Variants in ALG6 observed in about 807,000 individuals in gnomAD.
The protein encoded by ALG6 is ALG6 alpha-1,3-glucosyltransferase.
Under a neutral mutation model 66.6 loss-of-function variants are expected in ALG6, and 46 were observed. The observed-to-expected ratio is 0.69, with a 90% CI of 0.55 to 0.88. The LOEUF (loss-of-function observed/expected upper bound fraction) is 0.88, where lower values mean the gene tolerates loss of function less well. Among genes scored for constraint, ALG6 ranks in the 40% least tolerant of loss-of-function variants. The probability of loss-of-function intolerance (pLI) is 0.00; values close to 1 mark genes in which losing one functional copy is unlikely to be tolerated. For missense variants in ALG6, 505 were observed against 586.8 expected (o/e 0.86, Z 1.44); for synonymous variants, 185 against 203.7 (o/e 0.91, Z 0.78).
At chr1:63,375,410 ATTTTTTTTTTTTTTTTTT>A (rs766565038) in intron 2 of ALG6, among the ~76,000 whole-genome samples, 2 of 77,068 alleles carry the variant, frequency 2.6e-5, no homozygotes, top group Non-Finnish European at 5.2e-5. Context: ...CACCCCCGGC[ATTTTTTTTTTTTTTTTTT>A]TTTTTTTTTC....
intron 8 of ALG6, 74 bp from the exon 9 acceptor site, chr1:63,411,852 A>C: frequency 6.3e-7 from 1 of 1,584,746 alleles, no homozygotes; most frequent in East Asian, 2.2e-5. Context: ...TATTATGTTC[A>C]GTGAGACTCA....
At chr1:63,380,684 A>G (rs956447068) in intron 2 of ALG6, among the ~76,000 whole-genome samples, 1 of 152,230 alleles carries the variant, frequency 6.6e-6, no homozygotes, top group African/African-American at 2.4e-5. Context: ...TTGCTGGTAT[A>G]TATAATCAAA....
chr1:63,430,318 TCTA>T (rs1644639198), intron 14 of ALG6, among the ~76,000 whole-genome samples: 1 of 152,268 alleles, frequency 6.6e-6, no homozygotes, highest in Non-Finnish European at 1.5e-5. Flanking sequence ...TGAAGTTGTT[TCTA>T]CTTTTTTAGT....
chr1:63,372,367 A>C (rs915185580), intron 2 of ALG6, among the ~76,000 whole-genome samples: 3 of 152,138 alleles, frequency 2.0e-5, no homozygotes, highest in Non-Finnish European at 4.4e-5. Context: ...ACACAGACAC[A>C]TATATATACA....
At chr1:63,377,379 G>C (rs1264477217) in intron 2 of ALG6, among the ~76,000 whole-genome samples, 3 of 152,048 alleles carry the variant, frequency 2.0e-5, no homozygotes, top group Non-Finnish European at 4.4e-5. Context: ...ATTTTTGCTT[G>C]TTATATCTTT....
chr1:63,435,617 A>G (rs1644673956), intron 14 of ALG6, among the ~76,000 whole-genome samples: 2 of 152,282 alleles, frequency 1.3e-5, no homozygotes, highest in South Asian at 4.1e-4. Flanking sequence ...ATACCTGTGT[A>G]CTGTGCTAGG....
chr1:63,399,962 C>G (rs1028435617), intron 3 of ALG6, among the ~76,000 whole-genome samples: 4 of 151,012 alleles, frequency 2.6e-5, no homozygotes, highest in African/African-American at 9.8e-5. Flanking sequence ...TTTGGGAGAC[C>G]AAGGCGGGCA....
At chr1:63,414,881 G>A (rs76694292) in intron 10 of ALG6, among the ~76,000 whole-genome samples, 2,413 of 152,254 alleles carry the variant, frequency 0.016, 23 homozygotes, top group Non-Finnish European at 0.027. Flanking sequence ...AATATCTAGG[G>A]GGGAAGGAAG....
rs1217477050 is a variant in ALG6 at position 63,413,904 on chromosome 1, A to G, written c.817-157A>G. 5 of 594,262 alleles carry G rather than the reference A, an allele frequency of 8.4e-6. No individual in the cohort carries two copies. In the Admixed American group the frequency reaches 1.1e-4, roughly 13 times the overall value. The allele number at this position is 594,262 out of a possible 1,614,324, so 36.8% of individuals were successfully genotyped here. A position where few individuals can be genotyped will look rare whatever the true frequency, so the allele number is the denominator to read the frequency against. On this transcript the variant is annotated intron_variant, in intron 9 of 14. Transcript: ENST00000263440. Reference sequence around the variant, plus strand: ...AAAATGCTTGAGACAGTGTATGCGTATATGTTTATTCCTGGAGGATTTAAT... The same window carrying G: ...AAAATGCTTGAGACAGTGTATGCGTGTATGTTTATTCCTGGAGGATTTAAT...
chr1:63,417,096 T>G (rs969429293), intron 11 of ALG6, among the ~76,000 whole-genome samples: 2 of 152,246 alleles, frequency 1.3e-5, no homozygotes, highest in Non-Finnish European at 2.9e-5. Flanking sequence ...TGTTGTTTGA[T>G]TCTGTGAATG....
At chr1:63,426,520 A>G (rs1317458040) in intron 12 of ALG6, among the ~76,000 whole-genome samples, 1 of 152,150 alleles carries the variant, frequency 6.6e-6, no homozygotes, top group African/African-American at 2.4e-5. Context: ...TCATCTTTGT[A>G]TTCCTTTCAG....
chr1:63,372,088 G>C (rs894068719), intron 2 of ALG6, among the ~76,000 whole-genome samples: 5 of 152,192 alleles, frequency 3.3e-5, no homozygotes, highest in Non-Finnish European at 7.3e-5. Flanking sequence ...AAATGAAGTG[G>C]AGAAGGTATT....
At chr1:63,417,019 C>A (rs934297275) in intron 11 of ALG6, among the ~76,000 whole-genome samples, 2 of 152,094 alleles carry the variant, frequency 1.3e-5, no homozygotes, top group Admixed American at 6.5e-5. Context: ...CATCTCATTA[C>A]CACAATGCAA....
chr1:63,429,026 A>T lies in ALG6; in HGVS notation c.1226A>T (p.Glu409Val). 6.2e-7 allele frequency: 1 copy of T among 1,609,944 alleles called. No individual in the cohort carries two copies. Among genetic ancestry groups the T allele is most frequent in the South Asian group, 1.1e-5 (1 of 89,632 alleles). ...IACVTSFSIF[E>V]KTSEEELQLK... Reference sequence around the variant, plus strand: ...TGTGTAACTTCCTTTTCAATATTTGAAAAGACTTCTGAAGAAGAACTGCAG... The same window carrying T: ...TGTGTAACTTCCTTTTCAATATTTGTAAAGACTTCTGAAGAAGAACTGCAG... Residue 409 changes from glutamate (E) to valine (V), a missense_variant, in exon 14 of 15, where the codon GAA becomes GTA. Glu to Val is a moderately radical substitution (Grantham distance 121). Transcript: ENST00000263440.
intron 3 of ALG6, among the ~76,000 whole-genome samples, chr1:63,399,087 G>C (rs1415062697): frequency 6.6e-6 from 1 of 152,138 alleles, no homozygotes; most frequent in African/African-American, 2.4e-5. Context: ...AGTTCCCTCA[G>C]GCTGTTGGCA....
At chr1:63,386,472 T>C (rs1185920234) in intron 2 of ALG6, among the ~76,000 whole-genome samples, 1 of 152,188 alleles carries the variant, frequency 6.6e-6, no homozygotes, top group Non-Finnish European at 1.5e-5. Flanking sequence ...AGACTTTTAA[T>C]TACTGCTTTG....
chr1:63,404,430 T>C, intron 4 of ALG6, 23 bp from the exon 5 acceptor site: 4 of 1,558,738 alleles, frequency 2.6e-6, no homozygotes, highest in Non-Finnish European at 3.5e-6. Context: ...ATGAAGTATC[T>C]GTATATATGC....
At chr1:63,432,314 G>C (rs560600875) in intron 14 of ALG6, among the ~76,000 whole-genome samples, 1 of 148,968 alleles carries the variant, frequency 6.7e-6, no homozygotes, top group South Asian at 2.1e-4. Flanking sequence ...ATTTTTGTAT[G>C]TTACACTAAC....
At position 63,400,298 on chromosome 1, in the gene ALG6, TATATATATGTATATATATATAC is replaced by T. The variant is rs1267908810; in HGVS notation, c.168-1955_168-1934del. Among the ~76,000 whole-genome samples, 21 of 14,220 alleles carry T rather than the reference TATATATATGTATATATATATAC, an allele frequency of 1.5e-3. 9 individuals are homozygous for T. The highest frequency in any genetic ancestry group is 9.3e-3 in the Admixed American group (8 of 862). 9.3% of individuals were successfully genotyped at this position (14,220 alleles called of 152,430 possible). A position where few individuals can be genotyped will look rare whatever the true frequency, so the allele number is the denominator to read the frequency against. On this transcript the variant is annotated intron_variant, in intron 3 of 14. Coordinates refer to ENST00000263440, the MANE Select transcript of ALG6 (RefSeq NM_013339.4). ...ATATATATACGTATATATATATACG[TATATATATGTATATATATATAC>T]GTATATATATATATACGTATATATA...
Sources: gnomAD v4.1 joint callset for allele counts (sites outside exome capture counted in the v4.1 genomes callset) on GRCh38, gnomAD v4.1.1 for gene constraint, MANE v1.5 for transcripts, NCBI Gene and HGNC (gene_info 2026-07-23, HGNC 2026-07-21) for gene names.